CADM2: variants seen among roughly 807,000 people sequenced by gnomAD.
The protein encoded by CADM2 is immunoglobulin superfamily member 4D.
CADM2 carries 12 observed loss-of-function variants against 49.8 expected under a neutral mutation model. The ratio of observed to expected loss-of-function variants is 0.24; its 90% CI spans 0.15 to 0.39. The LOEUF is 0.39. Among genes scored for constraint, CADM2 ranks in the 10% least tolerant of loss-of-function variants. The pLI is 1.00. For missense variants in CADM2, 378 were observed against 492.3 expected, an observed-to-expected ratio of 0.77 and a Z score of 2.20; for synonymous variants, 214 against 175.4, an observed-to-expected ratio of 1.22 and a Z score of -1.74.
chr3:85,233,005 T>A (rs1406530467), intron 1 of CADM2, among the ~76,000 whole-genome samples: 2 of 152,144 alleles, frequency 1.3e-5, no homozygotes, highest in Non-Finnish European at 2.9e-5. Context: ...ACCTCAATAG[T>A]TGAATGTATA....
chr3:85,243,915 G>A (rs2042589435), intron 1 of CADM2, among the ~76,000 whole-genome samples: 1 of 151,736 alleles, frequency 6.6e-6, no homozygotes, highest in Non-Finnish European at 1.5e-5. Context: ...TATTTAATGT[G>A]CAAATATTTA....
intron 1 of CADM2, among the ~76,000 whole-genome samples, chr3:85,017,466 CT>C (rs2034302097): frequency 1.3e-5 from 2 of 152,296 alleles, no homozygotes; most frequent in Admixed American, 6.5e-5. Flanking sequence ...TTCTCTCTCA[CT>C]TTTATCGTCA....
At chr3:84,977,899 A>G (rs1575957640) in intron 1 of CADM2, among the ~76,000 whole-genome samples, 1 of 152,084 alleles carries the variant, frequency 6.6e-6, no homozygotes, top group Non-Finnish European at 1.5e-5. Context: ...TTAAACTAAG[A>G]TCTTTAAATT....
At chr3:85,857,984 C>T (rs1014239438) in intron 3 of CADM2, among the ~76,000 whole-genome samples, 6 of 152,270 alleles carry the variant, frequency 3.9e-5, no homozygotes, top group Admixed American at 3.3e-4. Context: ...TAATAATAAG[C>T]TGACTATTGA....
intron 1 of CADM2, among the ~76,000 whole-genome samples, chr3:85,612,726 G>A (rs2063710127): frequency 6.6e-6 from 1 of 151,754 alleles, no homozygotes; most frequent in African/African-American, 2.4e-5. Flanking sequence ...TTAGTAATAT[G>A]TTTGTCATGA....
At chr3:85,053,969 T>A (rs2035980570) in intron 1 of CADM2, among the ~76,000 whole-genome samples, 1 of 152,004 alleles carries the variant, frequency 6.6e-6, no homozygotes, top group African/African-American at 2.4e-5. Flanking sequence ...CCTTCTGTGA[T>A]ATTTCTTCTG....
At chr3:85,991,002 A>G (rs1728711014) in intron 8 of CADM2, among the ~76,000 whole-genome samples, 1 of 152,150 alleles carries the variant, frequency 6.6e-6, no homozygotes, top group South Asian at 2.1e-4. Context: ...CCTCCCTTTA[A>G]CAGGAGAAAA....
Position 85,539,916 on chromosome 3 carries a change from A to G in CADM2, c.62-186606A>G, listed in dbSNP as rs150266838. 7.5e-3 allele frequency among the ~76,000 whole-genome samples: 1,140 copies of G among 152,250 alleles called. 20 individuals are homozygous for G. The highest frequency in any genetic ancestry group is 0.026 in the African/African-American group (1,100 of 41,552). On this transcript the variant is annotated intron_variant, in intron 1 of 9. Transcript: ENST00000383699. ...TGACTGCAAAGTAGAAATGTCATGT[A>G]GAAAGTTCAATATATAAGTCTAGAG...
intron 1 of CADM2, among the ~76,000 whole-genome samples, chr3:85,013,261 A>G (rs1330863349): frequency 1.3e-5 from 2 of 151,880 alleles, no homozygotes; most frequent in Non-Finnish European, 2.9e-5. Flanking sequence ...AGAAAAATCT[A>G]TTTTATCTTT....
chr3:85,472,539 T>C (rs2038812435), intron 1 of CADM2, among the ~76,000 whole-genome samples: 1 of 152,020 alleles, frequency 6.6e-6, no homozygotes, highest in South Asian at 2.1e-4. Flanking sequence ...AAATACAATA[T>C]ACTTTCGTTG....
intron 8 of CADM2, among the ~76,000 whole-genome samples, chr3:86,042,248 T>C (rs1736038834): frequency 1.3e-5 from 2 of 151,756 alleles, no homozygotes; most frequent in South Asian, 4.2e-4. Flanking sequence ...CTGAAGGAAA[T>C]AGAGACACAA....
chr3:85,038,940 T>C, intron 1 of CADM2, among the ~76,000 whole-genome samples: 1 of 151,966 alleles, frequency 6.6e-6, no homozygotes. Flanking sequence ...AATGGAGGAG[T>C]TTGTATCAAA....
intron 1 of CADM2, among the ~76,000 whole-genome samples, chr3:85,278,813 T>C (rs994078103): frequency 6.6e-6 from 1 of 151,168 alleles, no homozygotes; most frequent in African/African-American, 2.4e-5. Context: ...CAAAATGCTC[T>C]ATAGATAAAT....
At chr3:85,521,816 A>G (rs2061032119) in intron 1 of CADM2, among the ~76,000 whole-genome samples, 1 of 152,056 alleles carries the variant, frequency 6.6e-6, no homozygotes, top group Non-Finnish European at 1.5e-5. Context: ...AGAATCGAAA[A>G]GGACATAGAA....
intron 1 of CADM2, among the ~76,000 whole-genome samples, chr3:85,373,352 C>T (rs1319702389): frequency 6.6e-6 from 1 of 152,178 alleles, no homozygotes; most frequent in Non-Finnish European, 1.5e-5. Context: ...CCATGTCACA[C>T]ATCCAGGTCA....
At chr3:85,396,388 A>G (rs930476999) in intron 1 of CADM2, among the ~76,000 whole-genome samples, 2 of 151,994 alleles carry the variant, frequency 1.3e-5, no homozygotes, top group Non-Finnish European at 2.9e-5. Context: ...CATCAACTTC[A>G]TAACTTAGTT....
chr3:85,292,760 T>A (rs1246356922), intron 1 of CADM2, among the ~76,000 whole-genome samples: 1 of 152,126 alleles, frequency 6.6e-6, no homozygotes, highest in Admixed American at 6.5e-5. Flanking sequence ...AGACACAACA[T>A]ACCAGAATCT....
intron 1 of CADM2, among the ~76,000 whole-genome samples, chr3:85,666,197 C>A (rs1483787963): frequency 6.6e-6 from 1 of 151,968 alleles, no homozygotes; most frequent in East Asian, 1.9e-4. Context: ...ATGTGAAGGA[C>A]ATCTTCATGG....
intron 7 of CADM2, among the ~76,000 whole-genome samples, chr3:85,957,908 A>G (rs1167560957): frequency 6.6e-6 from 1 of 152,020 alleles, no homozygotes; most frequent in Non-Finnish European, 1.5e-5. Flanking sequence ...GAAAACGCCA[A>G]AAGCGATTGC....
Sources: gnomAD v4.1 joint callset for allele counts (sites outside exome capture counted in the v4.1 genomes callset) on GRCh38, gnomAD v4.1.1 for gene constraint, MANE v1.5 for transcripts, NCBI Gene and HGNC (gene_info 2026-07-23, HGNC 2026-07-21) for gene names.